Variants in PABPC4L observed in about 807,000 individuals in gnomAD.
PABPC4L encodes the protein poly(A) binding protein cytoplasmic 4 like.
For synonymous variants in PABPC4L, 169 were observed against 164.1 expected, an observed-to-expected ratio of 1.03 and a Z score of -0.23; for missense variants, 452 against 451.4, an observed-to-expected ratio of 1.00 and a Z score of -0.01.
chr4:134,100,717 A>G, the PABPC4L span, among the ~76,000 whole-genome samples: 24 of 151,798 alleles, frequency 1.6e-4, 1 homozygote, highest in Admixed American at 5.3e-4. Flanking sequence ...GATCAATTAA[A>G]GGTGAACCAT....
chr4:134,171,102 G>A, the PABPC4L span, among the ~76,000 whole-genome samples: 1 of 152,140 alleles, frequency 6.6e-6, no homozygotes, highest in South Asian at 2.1e-4. Context: ...ATGATGGTGA[G>A]CATTTTTTCA....
chr4:134,200,947 G>C lies in PABPC4L; in HGVS notation c.73C>G (p.Leu25Val), dbSNP rs759743358. Residue 25 changes from leucine to valine, a missense_variant, in exon 2 of 2, where the codon CTG becomes GTG. Physicochemically the swap from Leu to Val is conservative, Grantham distance 32. Coordinates refer to ENST00000421491, the MANE Select transcript of PABPC4L (RefSeq NM_001114734.2). The stretch of plus-strand genomic sequence containing the variant: ...ACAGTGCTGAACTTCCTGAACAGCA[G>C]GTCCTCGGTGACATCTGCATGTAAG... Reference protein sequence around the residue: ...GDLHADVTEDLLFRKFSTVGP... With the variant: ...GDLHADVTEDVLFRKFSTVGP... 2 of 1,557,064 alleles carry C rather than the reference G, an allele frequency of 1.3e-6. No individual in the cohort carries two copies. The highest frequency in any genetic ancestry group is 3.9e-5 in the Admixed American group (2 of 51,428).
At chr4:134,096,815 G>A in the PABPC4L span, among the ~76,000 whole-genome samples, 2 of 151,854 alleles carry the variant, frequency 1.3e-5, no homozygotes, top group African/African-American at 4.8e-5. Context: ...TTTTAATAAC[G>A]TTTTAAATCA....
chr4:133,968,244 AAAGT>A, the PABPC4L span, among the ~76,000 whole-genome samples: 1 of 152,340 alleles, frequency 6.6e-6, no homozygotes, highest in South Asian at 2.1e-4. Flanking sequence ...GTTCCCTTGG[AAAGT>A]AGTGCATGTG....
At chr4:134,098,187 T>C in the PABPC4L span, among the ~76,000 whole-genome samples, 232 of 151,944 alleles carry the variant, frequency 1.5e-3, 4 homozygotes, top group East Asian at 0.029. Flanking sequence ...ACTTGAACTG[T>C]ATTTGTCTAC....
At chr4:134,039,450 G>T in the PABPC4L span, among the ~76,000 whole-genome samples, 1 of 152,136 alleles carries the variant, frequency 6.6e-6, no homozygotes, top group African/African-American at 2.4e-5. Flanking sequence ...TATTTTGTGG[G>T]AGTCTAAGTC....
At chr4:134,151,955 T>C in the PABPC4L span, among the ~76,000 whole-genome samples, 1 of 152,020 alleles carries the variant, frequency 6.6e-6, no homozygotes, top group East Asian at 1.9e-4. Flanking sequence ...CATATTTTTA[T>C]ATTTTTACTG....
the PABPC4L span, among the ~76,000 whole-genome samples, chr4:133,964,628 G>T: frequency 1.3e-5 from 2 of 152,048 alleles, no homozygotes; most frequent in African/African-American, 2.4e-5. Flanking sequence ...CCGTGATCAA[G>T]TGGGTTTCAT....
chr4:134,130,294 C>CA, the PABPC4L span, among the ~76,000 whole-genome samples: 2 of 151,148 alleles, frequency 1.3e-5, no homozygotes, highest in Admixed American at 6.6e-5. Context: ...TGAGATTAAC[C>CA]AAAAAAAGAA....
chr4:134,170,035 C>G, the PABPC4L span, among the ~76,000 whole-genome samples: 1 of 152,080 alleles, frequency 6.6e-6, no homozygotes, highest in Non-Finnish European at 1.5e-5. Flanking sequence ...CTTTCTCCTT[C>G]CACACTCCAC....
the PABPC4L span, among the ~76,000 whole-genome samples, chr4:133,979,381 G>C: frequency 6.6e-6 from 1 of 152,148 alleles, no homozygotes; most frequent in Non-Finnish European, 1.5e-5. Context: ...TTAAATAAAG[G>C]AGTAGGAGGA....
the PABPC4L span, among the ~76,000 whole-genome samples, chr4:134,070,488 G>T: frequency 6.6e-6 from 1 of 152,086 alleles, no homozygotes; most frequent in African/African-American, 2.4e-5. Flanking sequence ...GCGGGGCATG[G>T]GGTTGTCAGT....
chr4:134,154,679 A>T, the PABPC4L span, among the ~76,000 whole-genome samples: 3 of 151,868 alleles, frequency 2.0e-5, no homozygotes, highest in Non-Finnish European at 2.9e-5. Flanking sequence ...AATATTTTGC[A>T]TTATTTGTAC....
the PABPC4L span, among the ~76,000 whole-genome samples, chr4:134,086,831 T>C: frequency 6.6e-6 from 1 of 151,962 alleles, no homozygotes; most frequent in Admixed American, 6.6e-5. Context: ...CTTTAAGATT[T>C]AGGGTACATG....
chr4:133,975,914 C>A, the PABPC4L span, among the ~76,000 whole-genome samples: 1 of 152,096 alleles, frequency 6.6e-6, no homozygotes, highest in South Asian at 2.1e-4. Flanking sequence ...CACACACACT[C>A]TCTCTCTTTC....
At chr4:134,061,494 C>A in the PABPC4L span, among the ~76,000 whole-genome samples, 2 of 151,550 alleles carry the variant, frequency 1.3e-5, no homozygotes, top group Non-Finnish European at 2.9e-5. Context: ...TCTTAAAAGA[C>A]AACAGAGATG....
At chr4:134,101,935 C>T in the PABPC4L span, among the ~76,000 whole-genome samples, 49 of 151,592 alleles carry the variant, frequency 3.2e-4, no homozygotes, top group Non-Finnish European at 6.2e-4. Context: ...TAGAATATGT[C>T]ACCATATTAC....
At chr4:133,974,950 A>G in the PABPC4L span, among the ~76,000 whole-genome samples, 12 of 152,146 alleles carry the variant, frequency 7.9e-5, no homozygotes, top group Non-Finnish European at 1.6e-4. Context: ...AGACTCTGAT[A>G]AAGTTAACAT....
the PABPC4L span, among the ~76,000 whole-genome samples, chr4:134,102,428 A>T: frequency 1.3e-5 from 2 of 151,552 alleles, no homozygotes; most frequent in Non-Finnish European, 3.0e-5. Context: ...GATGTTCCTG[A>T]TACCCCAGCA....
Sources: gnomAD v4.1 joint callset for allele counts (sites outside exome capture counted in the v4.1 genomes callset) on GRCh38, gnomAD v4.1.1 for gene constraint, MANE v1.5 for transcripts, NCBI Gene and HGNC (gene_info 2026-07-23, HGNC 2026-07-21) for gene names.